The following PTPRD variants were observed in gnomAD, a reference collection of about 807,000 sequenced individuals.
PTPRD encodes the protein protein tyrosine phosphatase receptor type D.
In PTPRD, 34 loss-of-function variants were observed where a neutral mutation model predicts 214.5. That is an observed-to-expected ratio of 0.16 (90% CI 0.12 to 0.21). The LOEUF is 0.21. Ranked by LOEUF, PTPRD falls within the 10% of genes least tolerant of loss-of-function variation. PTPRD has a pLI of 1.00. For synonymous variants in PTPRD, 1,128 were observed against 845.7 expected (o/e 1.33, Z -5.79); for missense variants, 2,545 against 2,398.7 (o/e 1.06, Z -1.27).
At chr9:9,394,322 G>A (rs192882599) in intron 9 of PTPRD, among the ~76,000 whole-genome samples, 19 of 152,244 alleles carry the variant, frequency 1.2e-4, no homozygotes, top group African/African-American at 4.3e-4. Context: ...CATCTCCATA[G>A]GGGAAGATAT....
At chr9:10,555,476 G>C (rs1316984102) in intron 2 of PTPRD, among the ~76,000 whole-genome samples, 2 of 152,064 alleles carry the variant, frequency 1.3e-5, no homozygotes, top group East Asian at 3.9e-4. Flanking sequence ...TGCAGTTCTG[G>C]GCTGAAATCC....
At chr9:10,609,435 C>T (rs10733209) in intron 2 of PTPRD, among the ~76,000 whole-genome samples, 145,870 of 152,158 alleles carry the variant, frequency 0.96, 70,265 homozygotes, top group East Asian at 1. Flanking sequence ...ACATTAATCA[C>T]ACTTCTCTAA....
chr9:9,201,603 C>T (rs1349112668), intron 9 of PTPRD, among the ~76,000 whole-genome samples: 2 of 152,044 alleles, frequency 1.3e-5, no homozygotes, highest in Non-Finnish European at 2.9e-5. Context: ...GGATCAGGCT[C>T]AAACATTGAA....
intron 33 of PTPRD, chr9:8,451,941 T>C (rs1281291594): frequency 2.1e-6 from 1 of 482,102 alleles, no homozygotes; most frequent in Admixed American, 2.2e-5. Context: ...TCCCTGTGGC[T>C]GGGGTGAGTG....
chr9:8,441,266 C>T (rs1471589239), intron 34 of PTPRD, among the ~76,000 whole-genome samples: 1 of 152,058 alleles, frequency 6.6e-6, no homozygotes, highest in Non-Finnish European at 1.5e-5. Context: ...TAAATGGCAA[C>T]TAACGCTCAG....
At chr9:8,331,542 C>G in intron 44 of PTPRD, 40 bp downstream of exon 44, 1 of 1,152,762 alleles carries the variant, frequency 8.7e-7, no homozygotes, top group Non-Finnish European at 1.2e-6. Flanking sequence ...TGAAGAAACA[C>G]CACCACTTAT....
At chr9:10,382,961 T>C (rs1023765617) in intron 2 of PTPRD, among the ~76,000 whole-genome samples, 4 of 151,776 alleles carry the variant, frequency 2.6e-5, no homozygotes, top group Admixed American at 6.6e-5. Flanking sequence ...ACAATGAGCT[T>C]CTGAATGAGT....
chr9:9,136,216 C>A (rs769132435), intron 10 of PTPRD, among the ~76,000 whole-genome samples: 1 of 152,076 alleles, frequency 6.6e-6, no homozygotes, highest in Non-Finnish European at 1.5e-5. Context: ...ATGGCAAGCA[C>A]TAGAAGCTCA....
intron 11 of PTPRD, among the ~76,000 whole-genome samples, chr9:8,942,094 C>T (rs2099037601): frequency 6.6e-6 from 1 of 152,180 alleles, no homozygotes; most frequent in South Asian, 2.1e-4. Context: ...GCGTGAGCCA[C>T]TGCGCCTGGC....
At chr9:9,103,611 A>T (rs1427150346) in intron 10 of PTPRD, among the ~76,000 whole-genome samples, 1 of 152,066 alleles carries the variant, frequency 6.6e-6, no homozygotes, top group Non-Finnish European at 1.5e-5. Flanking sequence ...CTTTGCTTCC[A>T]TAAGAAAAAA....
At chr9:10,567,323 CATA>C (rs922211184) in intron 2 of PTPRD, among the ~76,000 whole-genome samples, 1 of 152,056 alleles carries the variant, frequency 6.6e-6, no homozygotes, top group Non-Finnish European at 1.5e-5. Context: ...ATCACATATT[CATA>C]ATAATACAAA....
intron 7 of PTPRD, among the ~76,000 whole-genome samples, chr9:9,595,193 C>G (rs1366075258): frequency 6.6e-6 from 1 of 150,710 alleles, no homozygotes; most frequent in African/African-American, 2.4e-5. Flanking sequence ...CCTTAAATAA[C>G]TAAAAGTAGA....
chr9:10,038,358 A>T (rs1392498147), intron 3 of PTPRD, among the ~76,000 whole-genome samples: 1 of 152,094 alleles, frequency 6.6e-6, no homozygotes, highest in Non-Finnish European at 1.5e-5. Context: ...CAAATTGGAC[A>T]TTTTTACATC....
intron 3 of PTPRD, among the ~76,000 whole-genome samples, chr9:10,127,693 G>C (rs1461485710): frequency 1.3e-5 from 2 of 151,952 alleles, no homozygotes; most frequent in African/African-American, 4.8e-5. Context: ...ACCTACACTG[G>C]TAAATTCATT....
chr9:10,286,017 G>C (rs2095340061), intron 3 of PTPRD, among the ~76,000 whole-genome samples: 1 of 152,042 alleles, frequency 6.6e-6, no homozygotes, highest in Admixed American at 6.5e-5. Flanking sequence ...CACTGAGAAA[G>C]GGCCTAATAG....
At chr9:9,483,129 G>A (rs1023211103) in intron 8 of PTPRD, among the ~76,000 whole-genome samples, 1 of 152,090 alleles carries the variant, frequency 6.6e-6, no homozygotes, top group African/African-American at 2.4e-5. Flanking sequence ...TAAAAGCATT[G>A]TGGTACAATA....
chr9:9,136,660 T>G (rs1164521026), intron 10 of PTPRD, among the ~76,000 whole-genome samples: 2 of 152,180 alleles, frequency 1.3e-5, no homozygotes, highest in African/African-American at 2.4e-5. Context: ...CTGCAGTGTT[T>G]CCATGTAGTA....
chr9:10,063,685 G>A (rs2097822515), intron 3 of PTPRD, among the ~76,000 whole-genome samples: 2 of 152,014 alleles, frequency 1.3e-5, no homozygotes, highest in South Asian at 4.1e-4. Context: ...ATTACGGTGT[G>A]AAAGCCCTAT....
chr9:9,989,045 A>AAAAAAAG (rs2095822162), intron 4 of PTPRD, among the ~76,000 whole-genome samples: 1 of 148,288 alleles, frequency 6.7e-6, no homozygotes, highest in Non-Finnish European at 1.5e-5. Flanking sequence ...AAAAAAAAAA[A>AAAAAAAG]CCACAGACTT....
Sources: gnomAD v4.1 joint callset for allele counts (sites outside exome capture counted in the v4.1 genomes callset) on GRCh38, gnomAD v4.1.1 for gene constraint, MANE v1.5 for transcripts, NCBI Gene and HGNC (gene_info 2026-07-23, HGNC 2026-07-21) for gene names.